GCNT1: variants seen among roughly 807,000 people sequenced by gnomAD.
The protein encoded by GCNT1 is glucosaminyl (N-acetyl) transferase 1.
In GCNT1, 16 loss-of-function variants were observed where a neutral mutation model predicts 26.2. The observed-to-expected ratio is 0.61, with a 90% CI of 0.41 to 0.93. GCNT1 has a LOEUF of 0.93. GCNT1 is among the 40% of genes least tolerant of loss of function. The pLI is 0.00. For synonymous variants in GCNT1, 183 were observed against 190.8 expected, an observed-to-expected ratio of 0.96 and a Z score of 0.34; for missense variants, 477 against 526.7, an observed-to-expected ratio of 0.91 and a Z score of 0.92.
chr9:76,443,474 C>T (rs1823513800), intron 1 of GCNT1, among the ~76,000 whole-genome samples: 1 of 152,246 alleles, frequency 6.6e-6, no homozygotes, highest in South Asian at 2.1e-4. Flanking sequence ...GCAGCAGGAG[C>T]ATGTCCTTAA....
intron 2 of GCNT1, among the ~76,000 whole-genome samples, chr9:76,466,315 T>G (rs1823993120): frequency 6.6e-6 from 1 of 152,238 alleles, no homozygotes; most frequent in Admixed American, 6.5e-5. Context: ...TTGTTTGTTT[T>G]GTTTTTGACA....
the GCNT1 span, among the ~76,000 whole-genome samples, chr9:76,400,971 A>G: frequency 6.6e-6 from 1 of 152,234 alleles, no homozygotes; most frequent in Non-Finnish European, 1.5e-5. Context: ...CCTGTCTGTG[A>G]GAAAATAATC....
In GCNT1 at chr9:76,480,323, G is replaced by A. The variant is rs1432389549; in HGVS notation, c.-290+20146G>A. On this transcript the variant is annotated intron_variant, in intron 2 of 3. Transcript: ENST00000376730. The stretch of plus-strand genomic sequence containing the variant: ...AGCTTTGTTCTTTTGGCTTAGGATT[G>A]ACTTGGCAATGCGGGCTCTTTTTTG... 2.0e-5 allele frequency among the ~76,000 whole-genome samples: 3 copies of A among 152,186 alleles called. No homozygotes were observed. In the South Asian group the frequency reaches 6.2e-4, roughly 32 times the overall value.
At chr9:76,411,291 C>T in the GCNT1 span, among the ~76,000 whole-genome samples, 1 of 151,832 alleles carries the variant, frequency 6.6e-6, no homozygotes, top group African/African-American at 2.4e-5. Context: ...CACTTTTTCC[C>T]TGCCATTTTG....
intron 1 of GCNT1, among the ~76,000 whole-genome samples, chr9:76,421,854 C>T (rs560151986): frequency 5.2e-4 from 79 of 151,820 alleles, no homozygotes; most frequent in African/African-American, 1.7e-3. Flanking sequence ...CCACCACACC[C>T]GACTAATTTT....
Position 76,445,965 on chromosome 9 carries a change from C to A in GCNT1, c.-290+3650C>A, listed in dbSNP as rs180684345. On this transcript the variant is annotated intron_variant, in intron 1 of 2. Transcript: ENST00000442371. The stretch of plus-strand genomic sequence containing the variant: ...CACCACTGGACTCCAGCCTGGGCAA[C>A]AGAGCAAGACCCCATTTCCTAAATA... 2.4e-3 allele frequency among the ~76,000 whole-genome samples: 362 copies of A among 152,132 alleles called. 1 individual carries two copies. The highest frequency in any genetic ancestry group is 4.4e-3 in the Non-Finnish European group (297 of 68,012).
chr9:76,452,934 A>G (rs1052682182), intron 1 of GCNT1, among the ~76,000 whole-genome samples: 30 of 152,282 alleles, frequency 2.0e-4, no homozygotes, highest in Admixed American at 1.6e-3. Flanking sequence ...GAACAAGCCA[A>G]TTACATCCTC....
intron 2 of GCNT1, among the ~76,000 whole-genome samples, chr9:76,467,149 T>C (rs773546783): frequency 9.2e-5 from 14 of 152,250 alleles, no homozygotes; most frequent in Middle Eastern, 3.4e-3. Context: ...TTCAAGCGAT[T>C]CTCCTGCCTC....
chr9:76,475,566 A>G (rs539880356), intron 2 of GCNT1, among the ~76,000 whole-genome samples: 6 of 152,346 alleles, frequency 3.9e-5, no homozygotes, highest in Non-Finnish European at 1.5e-5. Context: ...TGCTAATTGA[A>G]TAGACCCACG....
At chr9:76,427,577 C>T (rs1823274459) in intron 1 of GCNT1, among the ~76,000 whole-genome samples, 1 of 152,104 alleles carries the variant, frequency 6.6e-6, no homozygotes, top group African/African-American at 2.4e-5. Context: ...TACACTTTGA[C>T]ATATCAGTTA....
chr9:76,449,730 CT>C (rs1351909213), intron 1 of GCNT1, among the ~76,000 whole-genome samples: 1 of 152,156 alleles, frequency 6.6e-6, no homozygotes, highest in Non-Finnish European at 1.5e-5. Context: ...GGGATTTTCA[CT>C]TTTTTTCTGT....
At chr9:76,443,710 G>A (rs11144904) in intron 1 of GCNT1, among the ~76,000 whole-genome samples, 30,523 of 151,920 alleles carry the variant, frequency 0.2, 3,271 homozygotes, top group African/African-American at 0.25. Context: ...CCCAACATCC[G>A]TCTCTACTAA....
the GCNT1 span, among the ~76,000 whole-genome samples, chr9:76,411,301 G>T: frequency 6.6e-6 from 1 of 151,722 alleles, no homozygotes; most frequent in African/African-American, 2.4e-5. Flanking sequence ...CTGCCATTTT[G>T]GGGGTTTTTT....
chr9:76,478,431 G>T (rs1181643247), intron 2 of GCNT1, among the ~76,000 whole-genome samples: 1 of 152,140 alleles, frequency 6.6e-6, no homozygotes, highest in East Asian at 1.9e-4. Flanking sequence ...CGGGAAGGAA[G>T]AAACTCAGGA....
chr9:76,439,057 T>G (rs894383798), upstream of GCNT1, among the ~76,000 whole-genome samples: 5 of 152,122 alleles, frequency 3.3e-5, no homozygotes, highest in African/African-American at 7.2e-5. Flanking sequence ...TGATAAAACA[T>G]GAAAGTAGGA....
chr9:76,420,378 A>G (rs1027776456), intron 1 of GCNT1, among the ~76,000 whole-genome samples: 8 of 152,118 alleles, frequency 5.3e-5, no homozygotes, highest in Non-Finnish European at 4.4e-5. Flanking sequence ...GGGCCAAGTA[A>G]TCCTCCTCCC....
At chr9:76,420,770 C>T (rs1823179362) in intron 1 of GCNT1, 1 of 151,932 alleles carries the variant, frequency 6.6e-6, no homozygotes, top group South Asian at 2.1e-4. Flanking sequence ...CTCTTCTCTA[C>T]TAAAAATAAT....
At chr9:76,438,521 A>G (rs1450804796), upstream of GCNT1, among the ~76,000 whole-genome samples, 1 of 152,204 alleles carries the variant, frequency 6.6e-6, no homozygotes, top group Non-Finnish European at 1.5e-5. Flanking sequence ...AATGAGGCAT[A>G]TGTGAGCCTC....
chr9:76,503,814 A>G lies in GCNT1; in HGVS notation c.*146A>G, dbSNP rs1488845384. On this transcript the variant is annotated 3_prime_UTR_variant, in exon 4 of 4. Coordinates refer to ENST00000376730, the MANE Select transcript of GCNT1 (RefSeq NM_001490.5). ...TAGATCTTCTTGTCAGAGAAGCTGC[A>G]TGGTTTCTGCAGAGCACAGTTAGCT... The G allele has an allele frequency of 6.0e-6, 4 of 671,484 alleles. No homozygotes were observed. Among genetic ancestry groups the G allele is most frequent in the East Asian group, 2.7e-5 (1 of 37,520 alleles). The allele number at this position is 671,484 out of a possible 1,614,324, so 41.6% of individuals were successfully genotyped here.
Sources: gnomAD v4.1 joint callset for allele counts (sites outside exome capture counted in the v4.1 genomes callset) on GRCh38, gnomAD v4.1.1 for gene constraint, MANE v1.5 for transcripts, NCBI Gene and HGNC (gene_info 2026-07-23, HGNC 2026-07-21) for gene names.